LPIN2: variants seen among roughly 807,000 people sequenced by gnomAD.
LPIN2 encodes phosphatidate phosphatase LPIN2.
In LPIN2, 55 loss-of-function variants were observed where a neutral mutation model predicts 111.4. The observed-to-expected ratio is 0.49, with a 90% confidence interval of 0.40 to 0.62. LPIN2 has a LOEUF of 0.62. LPIN2 is among the 20% of genes least tolerant of loss of function. LPIN2 has a pLI of 0.00. For synonymous variants in LPIN2, 425 were observed against 414.0 expected, an observed-to-expected ratio of 1.03 and a Z score of -0.32; for missense variants, 992 against 1,112.1, an observed-to-expected ratio of 0.89 and a Z score of 1.54.
intron 1 of LPIN2, among the ~76,000 whole-genome samples, chr18:3,007,666 C>G (rs2078537650): frequency 6.6e-6 from 1 of 152,112 alleles, no homozygotes; most frequent in African/African-American, 2.4e-5. Flanking sequence ...ATAAGAAAAG[C>G]ACATTGTTTT....
chr18:2,930,099 T>C (rs192440599), intron 9 of LPIN2, among the ~76,000 whole-genome samples: 2 of 152,352 alleles, frequency 1.3e-5, no homozygotes, highest in African/African-American at 2.4e-5. Context: ...TTCTCCTAGA[T>C]CTAGGCTAAC....
chr18:2,991,932 C>G (rs994486951), intron 1 of LPIN2, among the ~76,000 whole-genome samples: 2 of 151,514 alleles, frequency 1.3e-5, no homozygotes, highest in East Asian at 3.9e-4. Flanking sequence ...CTGCCGAACA[C>G]AGGAGGCAGA....
At chr18:2,951,881 A>G (rs1281202415) in intron 3 of LPIN2, among the ~76,000 whole-genome samples, 1 of 152,252 alleles carries the variant, frequency 6.6e-6, no homozygotes, top group Admixed American at 6.5e-5. Context: ...GAGAAAGGCA[A>G]TTAGAGACAA....
intron 1 of LPIN2, among the ~76,000 whole-genome samples, chr18:3,002,236 CAA>C (rs765641037): frequency 0.33 from 27,210 of 82,612 alleles, 3,307 homozygotes; most frequent in Non-Finnish European, 0.36. Flanking sequence ...TTCAAAAGAC[CAA>C]AAAAAAAAAA....
intron 1 of LPIN2, among the ~76,000 whole-genome samples, chr18:2,990,285 G>A (rs1402384686): frequency 6.6e-6 from 1 of 152,082 alleles, no homozygotes; most frequent in Non-Finnish European, 1.5e-5. Context: ...AAAAGCATGA[G>A]TAACAAAAAC....
intron 1 of LPIN2, among the ~76,000 whole-genome samples, chr18:2,990,349 C>G (rs2078246880): frequency 6.6e-6 from 1 of 151,876 alleles, no homozygotes. Flanking sequence ...AGGACATGAT[C>G]AAGAAAAAGA....
At chr18:2,946,522 G>A (rs117489102) in intron 4 of LPIN2, 31,917 of 1,555,306 alleles carry the variant, frequency 0.021, 423 homozygotes, top group Non-Finnish European at 0.025. Flanking sequence ...TCCGGTTGTA[G>A]CACAGCAAGG....
chr18:2,926,402 T>C (rs1008225704), intron 13 of LPIN2, among the ~76,000 whole-genome samples: 1 of 152,154 alleles, frequency 6.6e-6, no homozygotes, highest in Non-Finnish European at 1.5e-5. Flanking sequence ...GGAGATTATT[T>C]TGTATGTCTC....
In LPIN2 at chr18:2,921,521, G is replaced by A. The variant is rs760173075; in HGVS notation, c.2442+12C>T. On this transcript the variant is annotated intron_variant, in intron 18 of 19. Transcript: ENST00000677752. Reference sequence around the variant, plus strand: ...CACCCACATCAGAACCCAGAGCCCAGGAGATACTCACATTTGGACGGTTTC... The same window carrying A: ...CACCCACATCAGAACCCAGAGCCCAAGAGATACTCACATTTGGACGGTTTC... 15 of 1,594,760 alleles carry A rather than the reference G, an allele frequency of 9.4e-6. No individual in the cohort carries two copies. In the African/African-American group the frequency reaches 1.3e-4, roughly 14 times the overall value.
At chr18:2,996,145 C>A (rs112830196) in intron 1 of LPIN2, among the ~76,000 whole-genome samples, 22 of 152,180 alleles carry the variant, frequency 1.4e-4, no homozygotes, top group African/African-American at 5.3e-4. Flanking sequence ...TTGAGACCAT[C>A]GTGGTCAACA....
chr18:3,000,554 A>G (rs2143470376), intron 1 of LPIN2, among the ~76,000 whole-genome samples: 1 of 152,354 alleles, frequency 6.6e-6, no homozygotes, highest in African/African-American at 2.4e-5. Context: ...GATACACACC[A>G]TGCCCTCCAT....
chr18:2,983,767 A>G (rs1160690749), intron 1 of LPIN2, among the ~76,000 whole-genome samples: 1 of 152,246 alleles, frequency 6.6e-6, no homozygotes, highest in Non-Finnish European at 1.5e-5. Context: ...ACTGAGTTAA[A>G]TAAGAAATTA....
intron 1 of LPIN2, chr18:3,011,907 C>G (rs1018485291): frequency 2.6e-5 from 4 of 152,348 alleles, no homozygotes. Context: ...GCCGGCTCTG[C>G]CGCTTCTCCC....
chr18:2,960,615 C>G, intron 2 of LPIN2, 34 bp downstream of exon 2: 1 of 1,603,776 alleles, frequency 6.2e-7, no homozygotes, highest in Non-Finnish European at 8.5e-7. Flanking sequence ...CTTTGAATCT[C>G]AGGATGACTT....
intron 15 of LPIN2, 88 bp from the exon 16 acceptor site, chr18:2,923,949 C>G: frequency 1.9e-6 from 2 of 1,034,084 alleles, no homozygotes; most frequent in Non-Finnish European, 3.0e-6. Flanking sequence ...CTGCCAATAA[C>G]TAATTGGTGG....
intron 4 of LPIN2, among the ~76,000 whole-genome samples, chr18:2,947,845 CGTT>C (rs1306389269): frequency 6.6e-6 from 1 of 152,110 alleles, no homozygotes; most frequent in East Asian, 1.9e-4. Flanking sequence ...ATTTTGAACA[CGTT>C]GTTTCATATG....
chr18:2,923,869 G>T lies in LPIN2; in HGVS notation c.2088-8C>A. ...TGTCCCAAAGCATCCGACCTAAGAA[G>T]ACGGTAGAAACAGGAAAAGCTATCA... On this transcript the variant is annotated splice_polypyrimidine_tract_variant and splice_region_variant and intron_variant, in intron 15 of 19. Transcript: ENST00000677752. 6.2e-7 allele frequency: 1 copy of T among 1,612,632 alleles called. No homozygotes were observed. The highest frequency in any genetic ancestry group is 2.2e-5 in the East Asian group (1 of 44,886).
chr18:3,006,836 CAAA>C (rs1164488272), intron 1 of LPIN2, among the ~76,000 whole-genome samples: 1 of 128,398 alleles, frequency 7.8e-6, no homozygotes. Flanking sequence ...GACTCTGTCT[CAAA>C]AAAAAAAAAA....
In LPIN2 at chr18:2,973,823, G is replaced by T. The variant is rs543750568; in HGVS notation, c.-9-12974C>A. ...ATAGAAAATATTTTCAATTAATTTTGCACACGAAACAAAGCTTTAACTGCA... is the reference window on the plus strand; with the variant it reads ...ATAGAAAATATTTTCAATTAATTTTTCACACGAAACAAAGCTTTAACTGCA... On this transcript the variant is annotated intron_variant, in intron 1 of 19. Coordinates refer to ENST00000677752, the MANE Select transcript of LPIN2 (RefSeq NM_001375808.2). Among the ~76,000 whole-genome samples the T allele has an allele frequency of 6.0e-4, 91 of 152,232 alleles. No homozygotes were observed. In the Middle Eastern group the frequency reaches 0.01, roughly 17 times the overall value.
Sources: gnomAD v4.1 joint callset for allele counts (sites outside exome capture counted in the v4.1 genomes callset) on GRCh38, gnomAD v4.1.1 for gene constraint, MANE v1.5 for transcripts, NCBI Gene and HGNC (gene_info 2026-07-23, HGNC 2026-07-21) for gene names.